GABRA3: variants seen among roughly 807,000 people sequenced by gnomAD.
The protein encoded by GABRA3 is gamma-aminobutyric acid type A receptor subunit alpha3.
A neutral mutation model predicts 30.1 loss-of-function variants in GABRA3; 10 were observed. The ratio of observed to expected loss-of-function variants is 0.33; its 90% CI spans 0.20 to 0.56. The LOEUF is 0.56. Among genes scored for constraint, GABRA3 ranks in the 20% least tolerant of loss-of-function variants. The pLI, the probability that GABRA3 is intolerant of heterozygous loss-of-function variation, is 0.89. For missense variants in GABRA3, 233 were observed against 392.0 expected, an observed-to-expected ratio of 0.59 and a Z score of 3.42; for synonymous variants, 151 against 146.8, an observed-to-expected ratio of 1.03 and a Z score of -0.21.
intron 4 of GABRA3, among the ~76,000 whole-genome samples, chrX:152,283,975 T>G (rs1024568660): frequency 8.1e-5 from 9 of 111,647 alleles, no homozygotes; most frequent in African/African-American, 2.3e-4. Flanking sequence ...AATTGAATAT[T>G]TGATACTCAG....
intron 3 of GABRA3, among the ~76,000 whole-genome samples, chrX:152,342,306 T>C (rs1940326808): frequency 8.9e-6 from 1 of 112,396 alleles, no homozygotes; most frequent in Admixed American, 9.4e-5. Flanking sequence ...ATATATTCTT[T>C]TGAGAAATGT....
intron 2 of GABRA3, among the ~76,000 whole-genome samples, chrX:152,358,848 A>C (rs185640555): frequency 1.1e-3 from 119 of 111,988 alleles, no homozygotes; most frequent in African/African-American, 2.5e-3. Flanking sequence ...AGTTCTACTT[A>C]TGTGGTGAAT....
intron 5 of GABRA3, among the ~76,000 whole-genome samples, chrX:152,242,090 A>G (rs1938389758): frequency 8.9e-6 from 1 of 111,771 alleles, no homozygotes; most frequent in African/African-American, 3.3e-5. Context: ...CACATAGACC[A>G]ATGGAACAGA....
intron 1 of GABRA3, among the ~76,000 whole-genome samples, chrX:152,425,250 GAAC>G (rs993172814): frequency 3.6e-5 from 4 of 110,246 alleles, no homozygotes; most frequent in Non-Finnish European, 7.6e-5. Flanking sequence ...TTTTTCTAAA[GAAC>G]AATATCACAC....
At position 152,168,564 on chromosome X, in the gene GABRA3, C is replaced by T; in HGVS notation, c.1144-1G>A. 3 of 1,187,524 alleles carry T rather than the reference C, an allele frequency of 2.5e-6. No individual in the cohort carries two copies. Among genetic ancestry groups the T allele is most frequent in the Non-Finnish European group, 3.4e-6 (3 of 875,909 alleles). Reference sequence around the variant, plus strand: ...TTGCTGGGGCTGCTGGTGTTTTCTTCTAGAGGCCAGGAAAAAGAGGGGGGG... The same window carrying T: ...TTGCTGGGGCTGCTGGTGTTTTCTTTTAGAGGCCAGGAAAAAGAGGGGGGG... On this transcript the variant is annotated splice_acceptor_variant, in intron 9 of 9. Coordinates refer to ENST00000370314, the MANE Select transcript of GABRA3 (RefSeq NM_000808.4). LOFTEE classifies it high-confidence loss of function.
chrX:152,301,713 T>C (rs904469053), intron 3 of GABRA3, among the ~76,000 whole-genome samples: 3 of 110,872 alleles, frequency 2.7e-5, no homozygotes, highest in African/African-American at 9.9e-5. Flanking sequence ...TTTTGCATTT[T>C]AGTAGAGACA....
intron 8 of GABRA3, among the ~76,000 whole-genome samples, chrX:152,191,504 T>C (rs192893112): frequency 1.8e-4 from 20 of 109,703 alleles, no homozygotes; most frequent in Admixed American, 1.7e-3. Flanking sequence ...AGAATGTCTT[T>C]CTTAGCGTTG....
chrX:152,308,241 G>T (rs912344497), intron 3 of GABRA3, among the ~76,000 whole-genome samples: 1 of 112,601 alleles, frequency 8.9e-6, no homozygotes, highest in Non-Finnish European at 1.9e-5. Context: ...TTTGCAGAAG[G>T]ATCACTACTG....
chrX:152,383,755 G>C (rs373786259), intron 1 of GABRA3, among the ~76,000 whole-genome samples: 23 of 107,817 alleles, frequency 2.1e-4, no homozygotes, highest in African/African-American at 7.7e-4. Flanking sequence ...CATCATTCTC[G>C]ACAGCGAAAA....
intron 5 of GABRA3, among the ~76,000 whole-genome samples, chrX:152,240,129 G>C (rs1280786528): frequency 2.0e-5 from 2 of 102,085 alleles, no homozygotes; most frequent in African/African-American, 7.9e-5. Flanking sequence ...GCAGCAGCTG[G>C]TACCGGTTGT....
At chrX:152,220,817 CTGTG>C (rs201926760) in intron 6 of GABRA3, among the ~76,000 whole-genome samples, 4 of 109,646 alleles carry the variant, frequency 3.6e-5, no homozygotes, top group Non-Finnish European at 7.6e-5. Flanking sequence ...CAATCAGTCA[CTGTG>C]TGTGTGTGTG....
intron 1 of GABRA3, among the ~76,000 whole-genome samples, chrX:152,405,262 G>A (rs1481350967): frequency 1.1e-5 from 1 of 89,946 alleles, no homozygotes; most frequent in African/African-American, 4.5e-5. Context: ...GTGCCACGGT[G>A]CATCTACACC....
intron 8 of GABRA3, among the ~76,000 whole-genome samples, chrX:152,196,665 T>C (rs1937393296): frequency 9.0e-6 from 1 of 111,499 alleles, no homozygotes; most frequent in Non-Finnish European, 1.9e-5. Context: ...CAACAGACAG[T>C]TTCTGTCTGC....
At chrX:152,296,184 A>G (rs1218715211) in intron 3 of GABRA3, among the ~76,000 whole-genome samples, 2 of 111,768 alleles carry the variant, frequency 1.8e-5, no homozygotes, top group Non-Finnish European at 3.8e-5. Flanking sequence ...TCATTATTGC[A>G]TACACTTTTC....
chrX:152,324,361 T>C (rs890271134), intron 3 of GABRA3, among the ~76,000 whole-genome samples: 2 of 112,144 alleles, frequency 1.8e-5, no homozygotes, highest in African/African-American at 6.5e-5. Context: ...GGAGCTACCA[T>C]GGATTCACTA....
intron 3 of GABRA3, among the ~76,000 whole-genome samples, chrX:152,327,023 TG>T (rs1292386408): frequency 1.1e-5 from 1 of 90,700 alleles, no homozygotes; most frequent in Non-Finnish European, 2.2e-5. Flanking sequence ...ACCAAGCAAA[TG>T]GAAAAAAAAA....
chrX:152,219,839 T>TACTATAGGCATAGTAA (rs1937798427), intron 6 of GABRA3, among the ~76,000 whole-genome samples: 2 of 111,753 alleles, frequency 1.8e-5, no homozygotes, highest in African/African-American at 6.5e-5. Flanking sequence ...AAGCACTATA[T>TACTATAGGCATAGTAA]ACTATACACA....
chrX:152,275,852 A>G (rs1939074892), intron 4 of GABRA3, among the ~76,000 whole-genome samples: 2 of 109,844 alleles, frequency 1.8e-5, no homozygotes, highest in African/African-American at 6.6e-5. Context: ...GATATGAATG[A>G]GAGACAGTTA....
At chrX:152,297,669 C>T (rs1237702582) in intron 3 of GABRA3, among the ~76,000 whole-genome samples, 1 of 112,205 alleles carries the variant, frequency 8.9e-6, no homozygotes, top group African/African-American at 3.2e-5. Flanking sequence ...CTCTGAGCTT[C>T]AGTTTCTTTA....
Sources: gnomAD v4.1 joint callset for allele counts (sites outside exome capture counted in the v4.1 genomes callset) on GRCh38, gnomAD v4.1.1 for gene constraint, MANE v1.5 for transcripts, NCBI Gene and HGNC (gene_info 2026-07-23, HGNC 2026-07-21) for gene names.